The following PRPF40B variants were observed in gnomAD, a reference collection of about 807,000 sequenced individuals.
PRPF40B encodes the protein pre-mRNA processing factor 40B, also known as pre-mRNA-processing factor 40 homolog B.
A neutral mutation model predicts 124.5 loss-of-function variants in PRPF40B; 56 were observed. The observed-to-expected ratio is 0.45, with a 90% CI of 0.36 to 0.56. The LOEUF (loss-of-function observed/expected upper bound fraction) is 0.56. Among genes scored for constraint, PRPF40B ranks in the 20% least tolerant of loss-of-function variants. The pLI, the probability that PRPF40B is intolerant of heterozygous loss-of-function variation, is 0.00. For synonymous variants in PRPF40B, 443 were observed against 426.4 expected (o/e 1.04, Z -0.48); for missense variants, 1,053 against 1,169.5 (o/e 0.90, Z 1.45).
chr12:49,631,557 C>T lies in PRPF40B; in HGVS notation c.228+13C>T. On this transcript the variant is annotated intron_variant, in intron 3 of 25. Transcript: ENST00000548825. This position sits in a 1 kb window ranked among gnomAD's most constrained non-coding sequence, Gnocchi z 4.3. ...ACCACTCACACAGGTAATTGTCTCTCCTCCCCTGGGGCCTCAGAAAACCCT... is the reference window on the plus strand; with the variant it reads ...ACCACTCACACAGGTAATTGTCTCTTCTCCCCTGGGGCCTCAGAAAACCCT... 6.5e-7 allele frequency: 1 copy of T among 1,548,444 alleles called. No homozygotes were observed. Among genetic ancestry groups the T allele is most frequent in the Non-Finnish European group, 8.7e-7 (1 of 1,152,904 alleles).
At position 49,634,017 on chromosome 12, in the gene PRPF40B, A is replaced by C; in HGVS notation, c.737A>C (p.Glu246Ala). The change falls in exon 10 of 26, where the codon GAA becomes GCA. Residue 246 changes from glutamate to alanine, a missense_variant. By Grantham distance (107) the Glu-to-Ala change is moderately radical (BLOSUM62 -1). Around this residue, in one of 2 missense-constraint regions of PRPF40B, gnomAD observed 895 missense variants for 1,052.2 expected, o/e 0.85. Transcript: ENST00000548825. ...CTGGAACCTGAGCCAGGTGGGAGTG[A>C]AGATTGTGATGTGTTGGAGGCCACC... Reference protein sequence around the residue: ...GLLEPEPGGSEDCDVLEATQP... With the variant: ...GLLEPEPGGSADCDVLEATQP... 1 of 1,614,060 alleles carries C rather than the reference A, an allele frequency of 6.2e-7. No homozygotes were observed. Among genetic ancestry groups the C allele is most frequent in the Non-Finnish European group, 8.5e-7 (1 of 1,179,974 alleles).
At position 49,635,366 on chromosome 12, in the gene PRPF40B, C is replaced by A. The variant is rs367823648; in HGVS notation, c.1168C>A (p.Arg390=). 6.2e-7 allele frequency: 1 copy of A among 1,612,690 alleles called. No individual in the cohort carries two copies. The highest frequency in any genetic ancestry group is 8.5e-7 in the Non-Finnish European group (1 of 1,179,344). The change falls in exon 14 of 26, where the codon CGG becomes AGG. Residue 390 remains arginine, a splice_region_variant and synonymous_variant. Coordinates refer to ENST00000548825, the MANE Select transcript of PRPF40B (RefSeq NM_001031698.3). The surrounding 1 kb of genome is among the most constrained non-coding windows in gnomAD (Gnocchi z 4.1). ...ERMTSTTRYR[R]AEQTFGELEV... is the part of the protein sequence containing the mutation. The stretch of plus-strand genomic sequence containing the variant: ...ACTCACAGCTTATATGCTCCACAGG[C>A]GGGCAGAACAGACCTTTGGGGAGCT...
intron 16 of PRPF40B, 199 bp from the exon 17 acceptor site, chr12:49,637,271 C>T (rs1592600129): frequency 5.0e-6 from 3 of 596,812 alleles, no homozygotes; most frequent in Non-Finnish European, 9.0e-6. Flanking sequence ...TGTTCTGTCC[C>T]TCTCTGTGTA....
At chr12:49,643,837 G>A (rs369910502) in intron 24 of PRPF40B, 24 bp from the exon 25 acceptor site, 20 of 1,614,042 alleles carry the variant, frequency 1.2e-5, no homozygotes, top group Admixed American at 1.7e-5. Context: ...AGGAACTGAG[G>A]AGGTGGGCTC....
Position 49,624,956 on chromosome 12 carries a change from T to C in PRPF40B, c.3+1363T>C, listed in dbSNP as rs1021952349. Among the ~76,000 whole-genome samples the C allele has an allele frequency of 7.2e-5, 11 of 152,046 alleles. No homozygotes were observed. In the South Asian group the frequency reaches 1.7e-3, roughly 23 times the overall value. On this transcript the variant is annotated intron_variant, in intron 1 of 25. Coordinates refer to ENST00000548825, the MANE Select transcript of PRPF40B (RefSeq NM_001031698.3). Reference sequence around the variant, plus strand: ...GAAAGTTGGAAACTAGGATGGTCTTTGAAACGGAAGGGCAGGTGCTGTTTG... The same window carrying C: ...GAAAGTTGGAAACTAGGATGGTCTTCGAAACGGAAGGGCAGGTGCTGTTTG...
Position 49,642,652 on chromosome 12 carries a change from C to T in PRPF40B, c.2095C>T (p.Arg699Trp), listed in dbSNP as rs778004854. The change falls in exon 21 of 26, where the codon CGG (arginine) becomes TGG (tryptophan). Residue 699 changes from arginine to tryptophan, a missense_variant. Transcript: ENST00000548825. This position sits in a 1 kb window ranked among gnomAD's most constrained non-coding sequence, Gnocchi z 5.8. ...GGAGTCGGAGCGGATCCGGCTCTTC[C>T]GGGAGTTCCTACAGGTGCTGGAGGT... ...TLESERIRLF[R>W]EFLQVLETEC... is the part of the protein sequence containing the mutation. 1.9e-6 allele frequency: 3 copies of T among 1,614,116 alleles called. No homozygotes were observed. Among genetic ancestry groups the T allele is most frequent in the South Asian group, 1.1e-5 (1 of 91,068 alleles).
intron 15 of PRPF40B, chr12:49,636,440 T>C: frequency 2.1e-6 from 1 of 479,656 alleles, no homozygotes; most frequent in Non-Finnish European, 3.7e-6. Context: ...GTGTGAAACC[T>C]CAGATCCCAA....
rs537877325 is a variant in PRPF40B at position 49,641,509 on chromosome 12, T to C, written c.1768-399T>C. On this transcript the variant is annotated intron_variant, in intron 18 of 25. Coordinates refer to ENST00000548825, the MANE Select transcript of PRPF40B (RefSeq NM_001031698.3). ...AACACTCATCATGGTACCTGGTACA[T>C]AGTAAGCACTCAATAAATAGACCCA... 1.4e-4 allele frequency: 28 copies of C among 204,162 alleles called. No homozygotes were observed. The Middle Eastern group carries it at 5.9e-3, about 43-fold the overall frequency. The allele number at this position is 204,162 out of a possible 1,614,324, so 12.6% of individuals were successfully genotyped here.
rs780158405 is a variant in PRPF40B, at chr12:49,633,030, A to T, written c.365A>T (p.Glu122Val). The change falls in exon 7 of 26, where the codon GAG (glutamate) becomes GTG (valine). Residue 122 changes from glutamate (E) to valine (V), a missense_variant. Glu to Val is a moderately radical substitution (Grantham distance 121). This residue lies in a region of PRPF40B where 895 missense variants were observed against 1,052.2 expected (regional missense o/e 0.85). Coordinates refer to ENST00000548825, the MANE Select transcript of PRPF40B (RefSeq NM_001031698.3). ...CCCACCCAGAGGGCCCTATGGAGTGAGCATGTGGCCCCAGATGGGCGCATC... is the reference window on the plus strand; with the variant it reads ...CCCACCCAGAGGGCCCTATGGAGTGTGCATGTGGCCCCAGATGGGCGCATC... ...GTGPPRALWS[E>V]HVAPDGRIYY... is the part of the protein sequence containing the mutation. 3 of 998,124 alleles carry T rather than the reference A, an allele frequency of 3.0e-6. No homozygotes were observed. In the African/African-American group the frequency reaches 5.9e-5, roughly 19 times the overall value. 61.8% of individuals were successfully genotyped at this position (998,124 alleles called of 1,614,324 possible).
At chr12:49,626,378 A>G (rs766844856) in intron 1 of PRPF40B, among the ~76,000 whole-genome samples, 6 of 152,234 alleles carry the variant, frequency 3.9e-5, no homozygotes, top group Admixed American at 2.6e-4. Flanking sequence ...AAGCAGTCCC[A>G]CATGAAACAC....
chr12:49,623,524 C>T, upstream of PRPF40B: 1 of 1,242,392 alleles, frequency 8.0e-7, no homozygotes, highest in African/African-American at 1.6e-5. Context: ...CGGCTGCGGC[C>T]TGGCCAATCA....
At chr12:49,640,424 T>C (rs1054997531) in intron 18 of PRPF40B, 1 of 152,302 alleles carries the variant, frequency 6.6e-6, no homozygotes, top group Non-Finnish European at 1.5e-5. Flanking sequence ...AGAGAGGGTG[T>C]GACCTGGAGA....
chr12:49,637,893 TG>T, intron 18 of PRPF40B, 69 bp downstream of exon 18: 1 of 1,286,110 alleles, frequency 7.8e-7, no homozygotes. Context: ...GAGGACTCCC[TG>T]ATAAGTCCTG....
Position 49,642,041 on chromosome 12 carries a change from G to C in PRPF40B, c.1884+17G>C, listed in dbSNP as rs757718769. The C allele has an allele frequency of 6.2e-7, 1 of 1,610,010 alleles. No individual in the cohort carries two copies. On this transcript the variant is annotated intron_variant, in intron 19 of 25. Coordinates refer to ENST00000548825, the MANE Select transcript of PRPF40B (RefSeq NM_001031698.3). This position sits in a 1 kb window ranked among gnomAD's most constrained non-coding sequence, Gnocchi z 5.8. ...TTCAATAGTGTGAGGGGCTGGGCGG[G>C]GCGTGGGAAGTTCTCTAATTCATCT...
In PRPF40B at chr12:49,631,286, A is replaced by G; in HGVS notation, c.85-115A>G. On this transcript the variant is annotated intron_variant, in intron 2 of 25. Coordinates refer to ENST00000548825, the MANE Select transcript of PRPF40B (RefSeq NM_001031698.3). The surrounding 1 kb of genome is among the most constrained non-coding windows in gnomAD (Gnocchi z 4.3). ...CAAACTAAAGCCTTGGAATTGCCTC[A>G]GAGCAGGGTGGAGGGTTGGGGAGGG... 1.4e-6 allele frequency: 1 copy of G among 709,140 alleles called. No homozygotes were observed. Among genetic ancestry groups the G allele is most frequent in the South Asian group, 2.8e-5 (1 of 35,672 alleles). 43.9% of individuals were successfully genotyped at this position (709,140 alleles called of 1,614,324 possible). A position where few individuals can be genotyped will look rare whatever the true frequency, so the allele number is the denominator to read the frequency against.
chr12:49,623,987 C>T, intron 1 of PRPF40B: 1 of 1,036,498 alleles, frequency 9.6e-7, no homozygotes, highest in Non-Finnish European at 1.2e-6. Flanking sequence ...TGCGACATGC[C>T]CTTCCCCCAG....
At chr12:49,630,712 C>G in intron 2 of PRPF40B, 87 bp downstream of exon 2, 1 of 659,590 alleles carries the variant, frequency 1.5e-6, no homozygotes, top group Middle Eastern at 2.5e-4. Flanking sequence ...ATCACCAGCA[C>G]AGTTTTCCTG....
intron 4 of PRPF40B, chr12:49,632,336 TG>T: frequency 1.8e-6 from 1 of 569,628 alleles, no homozygotes; most frequent in Non-Finnish European, 3.1e-6. Context: ...TGGCATCCAC[TG>T]TGAAGGAATG....
In PRPF40B at chr12:49,643,281, G is replaced by C. The variant is rs973992003; in HGVS notation, c.2264G>C (p.Arg755Thr). The change falls in exon 23 of 26, where the codon AGG becomes ACG. Residue 755 changes from arginine to threonine, a missense_variant. Physicochemically the swap from Arg to Thr is moderately conservative, Grantham distance 71. Transcript: ENST00000548825. ...PPPSLRPPKR[R>T]RRNPSESGSE... is the part of the protein sequence containing the mutation. Reference sequence around the variant, plus strand: ...CCATCTCTCCGGCCCCCCAAGCGGAGGAGGCGGAACCCCTCAGAGTCAGGC... The same window carrying C: ...CCATCTCTCCGGCCCCCCAAGCGGACGAGGCGGAACCCCTCAGAGTCAGGC... 6.2e-6 allele frequency: 10 copies of C among 1,613,976 alleles called. No individual in the cohort carries two copies. Among genetic ancestry groups the C allele is most frequent in the Non-Finnish European group, 8.5e-6 (10 of 1,179,986 alleles).
Sources: allele counts gnomAD v4.1 joint callset (sites outside exome capture counted in the v4.1 genomes callset), GRCh38; gene constraint gnomAD v4.1.1; regional missense constraint gnomAD v4.1.1; non-coding constraint Gnocchi (gnomAD v3.1); transcripts MANE v1.5; gene names NCBI Gene and HGNC (gene_info 2026-07-23, HGNC 2026-07-21).